Variants in ADAM12 observed in about 807,000 individuals in gnomAD.
ADAM12 encodes the protein ADAM metallopeptidase domain 12, also known as disintegrin and metalloproteinase domain-containing protein 12.
A neutral mutation model predicts 106.4 loss-of-function variants in ADAM12; 70 were observed. The observed-to-expected ratio is 0.66, with a 90% CI of 0.54 to 0.80. ADAM12 has a LOEUF of 0.80. ADAM12 is among the 30% of genes least tolerant of loss of function. ADAM12 has a pLI of 0.00. For synonymous variants in ADAM12, 420 were observed against 433.5 expected (o/e 0.97, Z 0.39); for missense variants, 1,010 against 1,171.9 (o/e 0.86, Z 2.02).
At chr10:126,339,307 G>A (rs1332276377) in intron 1 of ADAM12, among the ~76,000 whole-genome samples, 1 of 152,128 alleles carries the variant, frequency 6.6e-6, no homozygotes, top group Non-Finnish European at 1.5e-5. Flanking sequence ...AATTCAACGT[G>A]TTTAAAAATC....
intron 3 of ADAM12, among the ~76,000 whole-genome samples, chr10:126,188,822 TATCATCCATCCATCA>T (rs1443538616): frequency 2.6e-5 from 4 of 152,128 alleles, no homozygotes; most frequent in East Asian, 1.9e-4. Flanking sequence ...TCAAGCCATT[TATCATCCATCCATCA>T]ATCATCCATC....
chr10:126,118,691 A>T (rs1334449897), intron 5 of ADAM12, among the ~76,000 whole-genome samples: 1 of 152,134 alleles, frequency 6.6e-6, no homozygotes, highest in Non-Finnish European at 1.5e-5. Context: ...GAAGTCTAGG[A>T]TTTTAGTGCA....
chr10:126,158,087 T>C (rs1956852110), intron 3 of ADAM12, among the ~76,000 whole-genome samples: 1 of 152,020 alleles, frequency 6.6e-6, no homozygotes, highest in African/African-American at 2.4e-5. Context: ...AGGCGGGATG[T>C]GAAAACCAGA....
chr10:126,134,172 A>C (rs1466452405), intron 5 of ADAM12, among the ~76,000 whole-genome samples: 1 of 152,250 alleles, frequency 6.6e-6, no homozygotes. Flanking sequence ...AGTAGCAGAC[A>C]TCTTAAAGTT....
chr10:126,082,367 T>TTTTTTG lies in ADAM12; in HGVS notation c.1146-10714_1146-10713insCAAAAA, dbSNP rs1163876900. On this transcript the variant is annotated intron_variant, in intron 11 of 22. Coordinates refer to ENST00000448723, the MANE Select transcript of ADAM12 (RefSeq NM_001288973.2). ...GGAGAAGACAATCTAATGACTGTTT[T>TTTTTTG]TTTTTTTTTTTTTTTTTTTTATGTG... 4.2e-5 allele frequency among the ~76,000 whole-genome samples: 6 copies of TTTTTTG among 141,604 alleles called. No individual in the cohort carries two copies. The South Asian group carries it at 7.1e-4, about 17-fold the overall frequency. The allele number at this position is 141,604 out of a possible 152,430, so 92.9% of individuals were successfully genotyped here.
At chr10:126,261,670 A>G (rs1303535710) in intron 3 of ADAM12, among the ~76,000 whole-genome samples, 2 of 152,236 alleles carry the variant, frequency 1.3e-5, no homozygotes, top group African/African-American at 4.8e-5. Flanking sequence ...GCAAATGAAC[A>G]AACATGAATA....
intron 3 of ADAM12, among the ~76,000 whole-genome samples, chr10:126,265,256 T>C (rs991435592): frequency 6.6e-6 from 1 of 152,220 alleles, no homozygotes; most frequent in Non-Finnish European, 1.5e-5. Flanking sequence ...GAAAAATTTA[T>C]CTTGCTTTTT....
intron 6 of ADAM12, among the ~76,000 whole-genome samples, chr10:126,110,541 C>T (rs1955851109): frequency 6.6e-6 from 1 of 151,926 alleles, no homozygotes; most frequent in Non-Finnish European, 1.5e-5. Context: ...AAAACTAAGA[C>T]TGCAATATGC....
intron 3 of ADAM12, among the ~76,000 whole-genome samples, chr10:126,235,350 A>G (rs1958393458): frequency 6.6e-6 from 1 of 152,222 alleles, no homozygotes; most frequent in South Asian, 2.1e-4. Context: ...GCAACACAAC[A>G]AAAGCACAAA....
At chr10:126,036,676 A>G (rs1954066217) in intron 20 of ADAM12, among the ~76,000 whole-genome samples, 1 of 152,186 alleles carries the variant, frequency 6.6e-6, no homozygotes, top group Non-Finnish European at 1.5e-5. Context: ...GAGATGTGAA[A>G]ATAAGATACA....
intron 6 of ADAM12, 69 bp downstream of exon 6, chr10:126,117,969 C>T (rs1344643375): frequency 1.3e-6 from 2 of 1,535,402 alleles, no homozygotes; most frequent in East Asian, 2.3e-5. Context: ...CTCCAGATGT[C>T]CTAGTGTGGG....
intron 2 of ADAM12, among the ~76,000 whole-genome samples, chr10:126,297,582 C>G (rs1960438869): frequency 6.6e-6 from 1 of 152,148 alleles, no homozygotes; most frequent in South Asian, 2.1e-4. Context: ...ACGTGGGAAC[C>G]ACACGATGTG....
chr10:126,323,643 C>T (rs2133839066), intron 2 of ADAM12, among the ~76,000 whole-genome samples: 1 of 152,302 alleles, frequency 6.6e-6, no homozygotes, highest in Admixed American at 6.5e-5. Context: ...GCTGTGGCTG[C>T]TGCCCTGAGG....
chr10:126,141,624 A>G (rs1486358108), intron 4 of ADAM12, among the ~76,000 whole-genome samples: 1 of 152,184 alleles, frequency 6.6e-6, no homozygotes, highest in Non-Finnish European at 1.5e-5. Flanking sequence ...TGAACTTGAA[A>G]ATTGGTAGCC....
At chr10:126,166,251 CACAG>C (rs1957021574) in intron 3 of ADAM12, among the ~76,000 whole-genome samples, 1 of 152,188 alleles carries the variant, frequency 6.6e-6, no homozygotes. Flanking sequence ...GCGAAGAGTT[CACAG>C]ACAGCCTTTT....
intron 11 of ADAM12, among the ~76,000 whole-genome samples, chr10:126,086,581 GAA>G (rs1955345644): frequency 7.5e-6 from 1 of 132,494 alleles, no homozygotes; most frequent in African/African-American, 2.9e-5. Context: ...GGAGGCTGAG[GAA>G]CAAGAATCAT....
At chr10:126,042,357 G>T (rs1954196252) in intron 18 of ADAM12, 2 of 1,306,302 alleles carry the variant, frequency 1.5e-6, no homozygotes, top group East Asian at 5.0e-5. Context: ...ATGGCCACGA[G>T]TTCAAGCACA....
intron 3 of ADAM12, among the ~76,000 whole-genome samples, chr10:126,186,347 C>G (rs182680321): frequency 6.6e-6 from 1 of 152,154 alleles, no homozygotes; most frequent in Non-Finnish European, 1.5e-5. Context: ...CAATGTGGAG[C>G]AATGTGGTGC....
At chr10:126,036,052 C>T (rs1380220221) in intron 21 of ADAM12, 94 bp downstream of exon 21, 9 of 1,146,038 alleles carry the variant, frequency 7.9e-6, no homozygotes, top group East Asian at 6.0e-5. Context: ...ACAGAGGCAC[C>T]GAGAAGTTAA....
Sources: allele counts gnomAD v4.1 joint callset (sites outside exome capture counted in the v4.1 genomes callset), GRCh38; gene constraint gnomAD v4.1.1; transcripts MANE v1.5; gene names NCBI Gene and HGNC (gene_info 2026-07-23, HGNC 2026-07-21).